Variants in OXT observed in about 807,000 individuals in gnomAD.
OXT encodes oxytocin-neurophysin 1 proprotein.
OXT carries 9 observed loss-of-function variants against 11.2 expected under a neutral mutation model. The ratio of observed to expected loss-of-function variants is 0.80; its 90% CI spans 0.49 to 1.40. The LOEUF is 1.40. OXT is among the 40% of genes most tolerant of loss of function. The probability of loss-of-function intolerance (pLI) is 0.00; values close to 1 mark genes in which losing one functional copy is unlikely to be tolerated. For synonymous variants in OXT, 76 were observed against 80.9 expected (o/e 0.94, Z 0.33); for missense variants, 175 against 178.7 (o/e 0.98, Z 0.12).
chr20:3,072,148 C>A lies in OXT; in HGVS notation c.192C>A (p.Gly64=). 1 of 1,590,862 alleles carries A rather than the reference C, an allele frequency of 6.3e-7. No homozygotes were observed. The highest frequency in any genetic ancestry group is 2.3e-5 in the East Asian group (1 of 44,326). The change falls in exon 2 of 3, where the codon GGC becomes GGA. Residue 64 remains glycine (G), a synonymous_variant. Transcript: ENST00000217386. ...GPNICCAEEL[G]CFVGTAEALR... The stretch of plus-strand genomic sequence containing the variant: ...ATATCTGCTGCGCGGAAGAGCTGGG[C>A]TGCTTCGTGGGCACCGCCGAAGCGC...
chr20:3,072,381 C>G lies in OXT; in HGVS notation c.341C>G (p.Pro114Arg). ...CCTCCAGACGGCTGCCACGCCGACC[C>G]TGCCTGCGACGCGGAAGCCACCTTC... is the stretch of plus-strand genomic sequence containing the variant. ...CCSPDGCHAD[P>R]ACDAEATFSQ... The change falls in exon 3 of 3, where the codon CCT becomes CGT. Residue 114 changes from proline (P) to arginine (R), a missense_variant. Transcript: ENST00000217386. The G allele has an allele frequency of 6.2e-7, 1 of 1,611,876 alleles. No individual in the cohort carries two copies. The highest frequency in any genetic ancestry group is 8.5e-7 in the Non-Finnish European group (1 of 1,180,000).
chr20:3,071,659 G>T lies in OXT; in HGVS notation c.4G>T (p.Ala2Ser). 1 of 1,601,698 alleles carries T rather than the reference G, an allele frequency of 6.2e-7. No individual in the cohort carries two copies. The highest frequency in any genetic ancestry group is 8.5e-7 in the Non-Finnish European group (1 of 1,178,050). Residue 2 changes from alanine (A) to serine (S), a missense_variant, in exon 1 of 3, where the codon GCC becomes TCC. Physicochemically the swap from Ala to Ser is moderately conservative, Grantham distance 99. Transcript: ENST00000217386. The surrounding 1 kb of genome is among the most constrained non-coding windows in gnomAD (Gnocchi z 4.8). M[A>S]GPSLACCLLG... ...CTGGACCCAGCGCACCCGCACCATG[G>T]CCGGCCCCAGCCTCGCTTGCTGTCT...
Position 3,072,348 on chromosome 20 carries a change from C to T in OXT, c.323-15C>T, listed in dbSNP as rs1170198471. ...GGTGCGGCCGGGATTCCCCTGACTCCACCTCTTCCTCCAGACGGCTGCCAC... is the reference window on the plus strand; with the variant it reads ...GGTGCGGCCGGGATTCCCCTGACTCTACCTCTTCCTCCAGACGGCTGCCAC... On this transcript the variant is annotated splice_polypyrimidine_tract_variant and intron_variant, in intron 2 of 2. Transcript: ENST00000217386. 4.4e-6 allele frequency: 7 copies of T among 1,608,002 alleles called. No homozygotes were observed. Among genetic ancestry groups the T allele is most frequent in the Admixed American group, 1.7e-5 (1 of 60,018 alleles).
chr20:3,072,321 G>C, intron 2 of OXT, 42 bp from the exon 3 acceptor site: 1 of 1,602,548 alleles, frequency 6.2e-7, no homozygotes, highest in Non-Finnish European at 8.5e-7. Context: ...GAGGCGGGCG[G>C]GGGTGCGGCC....
At position 3,072,116 on chromosome 20, in the gene OXT, G is replaced by C. The variant is rs1482299666; in HGVS notation, c.160G>C (p.Gly54Arg). ...CCCCGGGGGCAAAGGCCGCTGCTTC[G>C]GGCCCAATATCTGCTGCGCGGAAGA... ...CGPGGKGRCFGPNICCAEELG... is the reference protein window; with the variant it reads ...CGPGGKGRCFRPNICCAEELG... Residue 54 changes from glycine (G) to arginine (R), a missense_variant, in exon 2 of 3, where the codon GGG (glycine) becomes CGG (arginine). Coordinates refer to ENST00000217386, the MANE Select transcript of OXT (RefSeq NM_000915.4). 1 of 1,569,516 alleles carries C rather than the reference G, an allele frequency of 6.4e-7. No homozygotes were observed. Among genetic ancestry groups the C allele is most frequent in the South Asian group, 1.2e-5 (1 of 86,750 alleles).
chr20:3,072,082 C>G lies in OXT; in HGVS notation c.126C>G (p.Leu42=). Residue 42 remains leucine, a synonymous_variant, in exon 2 of 3, where the codon CTC becomes CTG. Coordinates refer to ENST00000217386, the MANE Select transcript of OXT (RefSeq NM_000915.4). ...CACCCCGCCCGTCCCCGCAGTGCCT[C>G]CCCTGCGGCCCCGGGGGCAAAGGCC... ...AAPDLDVRKC[L]PCGPGGKGRC... 6.5e-7 allele frequency: 1 copy of G among 1,530,146 alleles called. No homozygotes were observed. 94.8% of individuals were successfully genotyped at this position (1,530,146 alleles called of 1,614,324 possible). A position where few individuals can be genotyped will look rare whatever the true frequency, so the allele number is the denominator to read the frequency against.
chr20:3,072,457 G>C lies in OXT; in HGVS notation c.*39G>C. The C allele has an allele frequency of 1.2e-6, 2 of 1,602,972 alleles. No homozygotes were observed. The highest frequency in any genetic ancestry group is 1.7e-6 in the Non-Finnish European group (2 of 1,171,434). ...CGAACACCCTCGAAGCGCGCCACTC[G>C]CTTCCCCCATAGCCACCCCAGAAAT... On this transcript the variant is annotated 3_prime_UTR_variant, in exon 3 of 3. Transcript: ENST00000217386.
In OXT at chr20:3,072,377, G is replaced by T; in HGVS notation, c.337G>T (p.Asp113Tyr). 6.2e-7 allele frequency: 1 copy of T among 1,611,404 alleles called. No individual in the cohort carries two copies. The highest frequency in any genetic ancestry group is 8.5e-7 in the Non-Finnish European group (1 of 1,179,978). ...LCCSPDGCHA[D>Y]PACDAEATFS... is the part of the protein sequence containing the mutation. ...TCTTCCTCCAGACGGCTGCCACGCC[G>T]ACCCTGCCTGCGACGCGGAAGCCAC... Residue 113 changes from aspartate to tyrosine, a missense_variant, in exon 3 of 3, where the codon GAC (aspartate) becomes TAC (tyrosine). By Grantham distance (160) the Asp-to-Tyr change is radical (BLOSUM62 -3). Coordinates refer to ENST00000217386, the MANE Select transcript of OXT (RefSeq NM_000915.4).
rs752965107 is a variant in OXT at position 3,071,632 on chromosome 20, C to G, written c.-24C>G. ...CGGAGAGACCGCCACCAGTCACGGA[C>G]CCTGGACCCAGCGCACCCGCACCAT... On this transcript the variant is annotated 5_prime_UTR_variant, in exon 1 of 3. Transcript: ENST00000217386. The surrounding 1 kb of genome is among the most constrained non-coding windows in gnomAD (Gnocchi z 4.8). 1.2e-6 allele frequency: 2 copies of G among 1,601,526 alleles called. No homozygotes were observed. The highest frequency in any genetic ancestry group is 3.3e-5 in the Admixed American group (2 of 59,720).
In OXT at chr20:3,071,629, G is replaced by A; in HGVS notation, c.-27G>A. 1 of 1,600,268 alleles carries A rather than the reference G, an allele frequency of 6.2e-7. No individual in the cohort carries two copies. Among genetic ancestry groups the A allele is most frequent in the Non-Finnish European group, 8.5e-7 (1 of 1,178,126 alleles). On this transcript the variant is annotated 5_prime_UTR_variant, in exon 1 of 3. Coordinates refer to ENST00000217386, the MANE Select transcript of OXT (RefSeq NM_000915.4). The surrounding 1 kb of genome is among the most constrained non-coding windows in gnomAD (Gnocchi z 4.8). ...GGCCGGAGAGACCGCCACCAGTCAC[G>A]GACCCTGGACCCAGCGCACCCGCAC...
In OXT at chr20:3,071,815, G is replaced by A; in HGVS notation, c.120+40G>A. 2 of 1,536,206 alleles carry A rather than the reference G, an allele frequency of 1.3e-6. No individual in the cohort carries two copies. The highest frequency in any genetic ancestry group is 1.7e-6 in the Non-Finnish European group (2 of 1,147,572). On this transcript the variant is annotated intron_variant, in intron 1 of 2. Transcript: ENST00000217386. This position sits in a 1 kb window ranked among gnomAD's most constrained non-coding sequence, Gnocchi z 4.8. The stretch of plus-strand genomic sequence containing the variant: ...CTGGTCCCGCGGCGCTCCGGGGAGG[G>A]AGGGACCCGCAGCCACAGGGGCGCG...
In OXT at chr20:3,072,277, G is replaced by A. The variant is rs376999853; in HGVS notation, c.321G>A (p.Pro107=). 1.9e-6 allele frequency: 3 copies of A among 1,595,562 alleles called. No individual in the cohort carries two copies. The highest frequency in any genetic ancestry group is 2.2e-5 in the South Asian group (2 of 90,622). The change falls in exon 2 of 3, where the codon CCG becomes CCA. Residue 107 remains proline, a splice_region_variant and synonymous_variant. Coordinates refer to ENST00000217386, the MANE Select transcript of OXT (RefSeq NM_000915.4). The part of the protein sequence containing the change: ...RCAVLGLCCS[P]DGCHADPACD... ...CGGTCTTGGGCCTCTGCTGCAGCCC[G>A]GGTGAGCGGGGCAAGGCGCTCCGGG...
Position 3,072,466 on chromosome 20 carries a change from A to G in OXT, c.*48A>G, listed in dbSNP as rs762480562. 12 of 1,577,656 alleles carry G rather than the reference A, an allele frequency of 7.6e-6. No homozygotes were observed. In the East Asian group the frequency reaches 2.5e-4, roughly 32 times the overall value. On this transcript the variant is annotated 3_prime_UTR_variant, in exon 3 of 3. Transcript: ENST00000217386. ...TCGAAGCGCGCCACTCGCTTCCCCCATAGCCACCCCAGAAATGGTGAAAAT... is the reference window on the plus strand; with the variant it reads ...TCGAAGCGCGCCACTCGCTTCCCCCGTAGCCACCCCAGAAATGGTGAAAAT...
In OXT at chr20:3,072,099, G is replaced by A. The variant is rs370932402; in HGVS notation, c.143G>A (p.Gly48Asp). Residue 48 changes from glycine (G) to aspartate (D), a missense_variant, in exon 2 of 3, where the codon GGC becomes GAC. Coordinates refer to ENST00000217386, the MANE Select transcript of OXT (RefSeq NM_000915.4). ...VRKCLPCGPGGKGRCFGPNIC... is the reference protein window; with the variant it reads ...VRKCLPCGPGDKGRCFGPNIC... ...CAGTGCCTCCCCTGCGGCCCCGGGG[G>A]CAAAGGCCGCTGCTTCGGGCCCAAT... 3.2e-6 allele frequency: 5 copies of A among 1,547,688 alleles called. No individual in the cohort carries two copies. Among genetic ancestry groups the A allele is most frequent in the Non-Finnish European group, 4.3e-6 (5 of 1,156,134 alleles).
chr20:3,072,482 T>C lies in OXT; in HGVS notation c.*64T>C. 1 of 1,549,038 alleles carries C rather than the reference T, an allele frequency of 6.5e-7. No homozygotes were observed. On this transcript the variant is annotated 3_prime_UTR_variant, in exon 3 of 3. Transcript: ENST00000217386. ...GCTTCCCCCATAGCCACCCCAGAAA[T>C]GGTGAAAATAAAATAAAGCAGGTTT...
rs758663169 is a variant in OXT, at chr20:3,071,698, G to T, written c.43G>T (p.Ala15Ser). 156 of 1,594,112 alleles carry T rather than the reference G, an allele frequency of 9.8e-5. No homozygotes were observed. The highest frequency in any genetic ancestry group is 1.3e-4 in the Non-Finnish European group (151 of 1,174,354). Residue 15 changes from alanine (A) to serine (S), a missense_variant, in exon 1 of 3, where the codon GCG (alanine) becomes TCG (serine). Ala to Ser is a moderately conservative substitution (Grantham distance 99). Coordinates refer to ENST00000217386, the MANE Select transcript of OXT (RefSeq NM_000915.4). The surrounding 1 kb of genome is among the most constrained non-coding windows in gnomAD (Gnocchi z 4.8). ...CGCTTGCTGTCTGCTCGGCCTCCTGGCGCTGACCTCCGCCTGCTACATCCA... is the reference window on the plus strand; with the variant it reads ...CGCTTGCTGTCTGCTCGGCCTCCTGTCGCTGACCTCCGCCTGCTACATCCA... Reference protein sequence around the residue: ...SLACCLLGLLALTSACYIQNC... With the variant: ...SLACCLLGLLSLTSACYIQNC...
chr20:3,072,338 C>A, intron 2 of OXT, 25 bp from the exon 3 acceptor site: 1 of 1,606,010 alleles, frequency 6.2e-7, no homozygotes, highest in Non-Finnish European at 8.5e-7. Context: ...GGCCGGGATT[C>A]CCCTGACTCC....
rs750397892 is a variant in OXT at position 3,071,626 on chromosome 20, C to G, written c.-30C>G. The G allele has an allele frequency of 1.9e-6, 3 of 1,599,920 alleles. No homozygotes were observed. The highest frequency in any genetic ancestry group is 4.5e-5 in the East Asian group (2 of 44,662). On this transcript the variant is annotated 5_prime_UTR_variant, in exon 1 of 3. Coordinates refer to ENST00000217386, the MANE Select transcript of OXT (RefSeq NM_000915.4). This position sits in a 1 kb window ranked among gnomAD's most constrained non-coding sequence, Gnocchi z 4.8. The stretch of plus-strand genomic sequence containing the variant: ...CCAGGCCGGAGAGACCGCCACCAGT[C>G]ACGGACCCTGGACCCAGCGCACCCG...
rs1007941667 is a variant in OXT at position 3,071,836 on chromosome 20, G to A, written c.120+61G>A. On this transcript the variant is annotated intron_variant, in intron 1 of 2. Coordinates refer to ENST00000217386, the MANE Select transcript of OXT (RefSeq NM_000915.4). This position sits in a 1 kb window ranked among gnomAD's most constrained non-coding sequence, Gnocchi z 4.8. ...GAGGGAGGGACCCGCAGCCACAGGG[G>A]CGCGCCCCGCTCCGGCCTCGCCTGA... 1.3e-5 allele frequency: 19 copies of A among 1,512,640 alleles called. No homozygotes were observed. Among genetic ancestry groups the A allele is most frequent in the East Asian group, 2.5e-5 (1 of 40,276 alleles). The allele number at this position is 1,512,640 out of a possible 1,614,324, so 93.7% of individuals were successfully genotyped here.
Sources: allele counts gnomAD v4.1 joint callset, GRCh38; gene constraint gnomAD v4.1.1; non-coding constraint Gnocchi (gnomAD v3.1); transcripts MANE v1.5; gene names NCBI Gene and HGNC (gene_info 2026-07-23, HGNC 2026-07-21).